MACF1: variants seen among roughly 807,000 people sequenced by gnomAD.
MACF1 encodes the protein microtubule actin crosslinking factor 1, also known as microtubule-actin cross-linking factor 1.
Under a neutral mutation model 854.8 loss-of-function variants are expected in MACF1, and 193 were observed. The ratio of observed to expected loss-of-function variants is 0.23; its 90% CI spans 0.20 to 0.25. The LOEUF (loss-of-function observed/expected upper bound fraction) is 0.25. Ranked by LOEUF, MACF1 falls within the 10% of genes least tolerant of loss-of-function variation. The probability of loss-of-function intolerance (pLI) is 1.00; values close to 1 mark genes in which losing one functional copy is unlikely to be tolerated. For missense variants in MACF1, 7,722 were observed against 8,929.1 expected (o/e 0.86, Z 5.45); for synonymous variants, 3,185 against 3,226.7 (o/e 0.99, Z 0.44).
intron 1 of MACF1, among the ~76,000 whole-genome samples, chr1:39,221,646 C>A (rs1644653265): frequency 6.6e-6 from 1 of 152,240 alleles, no homozygotes; most frequent in Non-Finnish European, 1.5e-5. Flanking sequence ...GCCACCACAT[C>A]TAAAGGCTAT....
chr1:39,359,793 AC>A (rs1266064053), intron 47 of MACF1, among the ~76,000 whole-genome samples: 2 of 150,804 alleles, frequency 1.3e-5, no homozygotes, highest in African/African-American at 4.9e-5. Flanking sequence ...AGAAGATGAA[AC>A]CCCGTCTCTA....
At position 39,340,933 on chromosome 1, in the gene MACF1, C is replaced by G. The variant is rs746362881; in HGVS notation, c.10561C>G (p.Leu3521Val). 3 of 1,611,466 alleles carry G rather than the reference C, an allele frequency of 1.9e-6. No individual in the cohort carries two copies. The South Asian group carries it at 3.3e-5, about 18-fold the overall frequency. ...NSEIDVDSLN[L>V]CLQQYEDLKQ... ...TGAAATAGATGTTGACAGCCTGAAC[C>G]TCTGCCTCCAACAGTATGAGGTAAA... The change falls in exon 40 of 101, where the codon CTC (leucine) becomes GTC (valine). Residue 3521 changes from leucine (L) to valine (V), a missense_variant. Physicochemically the swap from Leu to Val is conservative, Grantham distance 32 (BLOSUM62 1). This residue lies in a region of MACF1 where 854 missense variants were observed against 852.6 expected (regional missense o/e 1.00). Coordinates refer to ENST00000564288, the MANE Select transcript of MACF1 (RefSeq NM_001394062.1).
chr1:39,295,653 C>A, intron 19 of MACF1, 134 bp from the exon 20 acceptor site: 2 of 640,558 alleles, frequency 3.1e-6, no homozygotes, highest in Non-Finnish European at 5.4e-6. Flanking sequence ...TGAGCAGATG[C>A]CAGTCAAGTA....
chr1:39,367,478 C>T (rs1053146306), intron 49 of MACF1, among the ~76,000 whole-genome samples: 1 of 151,988 alleles, frequency 6.6e-6, no homozygotes, highest in African/African-American at 2.4e-5. Flanking sequence ...GGATTACAGG[C>T]GTGAGCCACT....
In MACF1 at chr1:39,480,890, T is replaced by C. The variant is rs189502692; in HGVS notation, c.22171-30T>C. ...TTTTTGTTCCTTTTTCAATTGTTCC[T>C]GTCCTTCCCTTTGGATTTCCGTTTC... On this transcript the variant is annotated intron_variant, in intron 98 of 100. Coordinates refer to ENST00000564288, the MANE Select transcript of MACF1 (RefSeq NM_001394062.1). 6 of 1,214,692 alleles carry C rather than the reference T, an allele frequency of 4.9e-6. No homozygotes were observed. The East Asian group carries it at 1.3e-4, about 26-fold the overall frequency. The allele number at this position is 1,214,692 out of a possible 1,614,324, so 75.2% of individuals were successfully genotyped here. A position where few individuals can be genotyped will look rare whatever the true frequency, so the allele number is the denominator to read the frequency against.
At chr1:39,464,187 A>G (rs1310046306) in intron 94 of MACF1, 1 of 157,904 alleles carries the variant, frequency 6.3e-6, no homozygotes, top group Non-Finnish European at 1.4e-5. Context: ...AGGTGTGGCC[A>G]TAACTGACAG....
chr1:39,345,719 G>A (rs1324145419), intron 40 of MACF1, among the ~76,000 whole-genome samples: 1 of 152,152 alleles, frequency 6.6e-6, no homozygotes, highest in African/African-American at 2.4e-5. Flanking sequence ...ACCTAAGAAA[G>A]TACAATTAGG....
At chr1:39,311,341 T>C (rs1341058766) in intron 26 of MACF1, among the ~76,000 whole-genome samples, 1 of 152,218 alleles carries the variant, frequency 6.6e-6, no homozygotes. Flanking sequence ...TTTAAATGAC[T>C]TGGTTACCTT....
intron 72 of MACF1, among the ~76,000 whole-genome samples, chr1:39,439,906 T>C (rs2148662829): frequency 6.6e-6 from 1 of 151,692 alleles, no homozygotes; most frequent in South Asian, 2.1e-4. Context: ...ACTCCAGGCC[T>C]AAAGTTTCTT....
rs777843294 is a variant in MACF1 at position 39,481,016 on chromosome 1, C to G, written c.22267C>G (p.Leu7423Val). Residue 7423 changes from leucine (L) to valine (V), a missense_variant, in exon 99 of 101, where the codon CTG (leucine) becomes GTG (valine). Coordinates refer to ENST00000564288, the MANE Select transcript of MACF1 (RefSeq NM_001394062.1). ...IRDSHSPDLQ[L>V]PTPEVIPSSG... The stretch of plus-strand genomic sequence containing the variant: ...GGACAGCCATTCTCCTGACCTCCAG[C>G]TGCCCACCCCCGAGGTAGAGTATGG... 8 of 1,549,762 alleles carry G rather than the reference C, an allele frequency of 5.2e-6. No homozygotes were observed. Among genetic ancestry groups the G allele is most frequent in the Admixed American group, 2.0e-5 (1 of 51,008 alleles).
Position 39,385,593 on chromosome 1 carries a change from A to G in MACF1, c.14008A>G (p.Lys4670Glu). 2 of 1,614,112 alleles carry G rather than the reference A, an allele frequency of 1.2e-6. No homozygotes were observed. Among genetic ancestry groups the G allele is most frequent in the East Asian group, 4.5e-5 (2 of 44,868 alleles). The change falls in exon 57 of 101, where the codon AAA becomes GAA. Residue 4670 changes from lysine to glutamate, a missense_variant. By Grantham distance (56) the Lys-to-Glu change is moderately conservative. This residue lies in a region of MACF1 where 2,807 missense variants were observed against 3,235.8 expected (regional missense o/e 0.87). Coordinates refer to ENST00000564288, the MANE Select transcript of MACF1 (RefSeq NM_001394062.1). ...INQKWVELTD[K>E]LNSRSSQIDQ... is the part of the protein sequence containing the mutation. ...TCAGAAATGGGTTGAGCTGACTGAC[A>G]AACTCAACTCCCGTTCCAGCCAAAT... is the stretch of plus-strand genomic sequence containing the variant.
At chr1:39,412,918 G>GT in intron 58 of MACF1, 1 of 1,607,198 alleles carries the variant, frequency 6.2e-7, no homozygotes, top group Non-Finnish European at 8.5e-7. Flanking sequence ...GGACATCCTA[G>GT]TTGCTTCAAT....
At chr1:39,256,207 T>G (rs1645094662) in intron 5 of MACF1, among the ~76,000 whole-genome samples, 1 of 152,018 alleles carries the variant, frequency 6.6e-6, no homozygotes, top group Non-Finnish European at 1.5e-5. Context: ...TAGCAGAGAT[T>G]GGAAGGTGGT....
intron 6 of MACF1, among the ~76,000 whole-genome samples, chr1:39,260,739 A>G (rs561347510): frequency 3.3e-4 from 51 of 152,282 alleles, no homozygotes; most frequent in Non-Finnish European, 4.9e-4. Flanking sequence ...AACAACAACA[A>G]CAAACAAACA....
chr1:39,144,325 C>T (rs1643415618), intron 2 of MACF1, among the ~76,000 whole-genome samples: 1 of 152,120 alleles, frequency 6.6e-6, no homozygotes, highest in Non-Finnish European at 1.5e-5. Flanking sequence ...AGGTGATCCA[C>T]CTGCCTCGGC....
chr1:39,194,975 T>C (rs2148253470), intron 2 of MACF1, among the ~76,000 whole-genome samples: 1 of 152,244 alleles, frequency 6.6e-6, no homozygotes, highest in Non-Finnish European at 1.5e-5. Context: ...ATTACAGGGG[T>C]GAGCCACTGC....
rs139087218 is a variant in MACF1, at chr1:39,331,593, T to A, written c.5005T>A (p.Cys1669Ser). 2 of 1,614,174 alleles carry A rather than the reference T, an allele frequency of 1.2e-6. No individual in the cohort carries two copies. Among genetic ancestry groups the A allele is most frequent in the Non-Finnish European group, 1.7e-6 (2 of 1,180,028 alleles). ...TTTCAGTCTTTCCCCTAGTGAGAACTGTATTAACCTGGAAGAGGCTTTTCA... is the reference window on the plus strand; with the variant it reads ...TTTCAGTCTTTCCCCTAGTGAGAACAGTATTAACCTGGAAGAGGCTTTTCA... Reference protein sequence around the residue: ...GGFSLSPSENCINLEEAFHQG... With the variant: ...GGFSLSPSENSINLEEAFHQG... Residue 1669 changes from cysteine to serine, a missense_variant, in exon 37 of 101, where the codon TGT (cysteine) becomes AGT (serine). Cys to Ser is a moderately radical substitution (Grantham distance 112, BLOSUM62 -1). Transcript: ENST00000564288.
intron 2 of MACF1, among the ~76,000 whole-genome samples, chr1:39,153,679 CCTCA>C (rs1643627406): frequency 6.6e-6 from 1 of 152,188 alleles, no homozygotes; most frequent in South Asian, 2.1e-4. Flanking sequence ...TCCTTTAAAG[CCTCA>C]CTTGGTCTTG....
At chr1:39,371,753 T>A (rs1649262602) in intron 51 of MACF1, among the ~76,000 whole-genome samples, 1 of 152,092 alleles carries the variant, frequency 6.6e-6, no homozygotes, top group South Asian at 2.1e-4. Context: ...TACCATTTCT[T>A]TTTTTATCTT....
Sources: gnomAD v4.1 joint callset for allele counts (sites outside exome capture counted in the v4.1 genomes callset) on GRCh38, gnomAD v4.1.1 for gene constraint, gnomAD v4.1.1 regional missense constraint, MANE v1.5 for transcripts, NCBI Gene and HGNC (gene_info 2026-07-23, HGNC 2026-07-21) for gene names.